The following SEMA5A variants were observed in gnomAD, a reference collection of about 807,000 sequenced individuals.
The protein encoded by SEMA5A is semaphorin 5A, also known as semaphorin-5A.
In SEMA5A, 55 loss-of-function variants were observed where a neutral mutation model predicts 135.5. That is an observed-to-expected ratio of 0.41 (90% CI 0.33 to 0.51). The LOEUF (loss-of-function observed/expected upper bound fraction) is 0.51, where lower values mean the gene tolerates loss of function less well. SEMA5A is among the 20% of genes least tolerant of loss of function. SEMA5A has a pLI of 0.37. For synonymous variants in SEMA5A, 580 were observed against 546.5 expected (o/e 1.06, Z -0.85); for missense variants, 1,290 against 1,419.9 (o/e 0.91, Z 1.47).
chr5:9,403,977 C>A (rs913170827), intron 2 of SEMA5A, among the ~76,000 whole-genome samples: 1 of 152,216 alleles, frequency 6.6e-6, no homozygotes, highest in Non-Finnish European at 1.5e-5. Flanking sequence ...CTCTGTTGCC[C>A]AGGCTGGAGT....
At chr5:9,106,677 C>T (rs537327837) in intron 16 of SEMA5A, among the ~76,000 whole-genome samples, 1 of 152,202 alleles carries the variant, frequency 6.6e-6, no homozygotes, top group Non-Finnish European at 1.5e-5. Context: ...CAAAGTTATC[C>T]CATTTGAATG....
In SEMA5A at chr5:9,233,631, A is replaced by G. The variant is rs145805457; in HGVS notation, c.333+4197T>C. Among the ~76,000 whole-genome samples the G allele has an allele frequency of 1.7e-4, 26 of 152,330 alleles. No homozygotes were observed. The East Asian group carries it at 5.0e-3, about 29-fold the overall frequency. ...AACCTGGCCCAAATAAAAAATCTGGATAACTTCTCTTGACCCTAATTCCCT... is the reference window on the plus strand; with the variant it reads ...AACCTGGCCCAAATAAAAAATCTGGGTAACTTCTCTTGACCCTAATTCCCT... On this transcript the variant is annotated intron_variant, in intron 6 of 22. Transcript: ENST00000382496.
intron 1 of SEMA5A, among the ~76,000 whole-genome samples, chr5:9,479,707 C>T (rs1405406240): frequency 1.3e-5 from 2 of 152,172 alleles, no homozygotes; most frequent in Non-Finnish European, 2.9e-5. Context: ...ACCAGGATTT[C>T]AGAACAAGGG....
chr5:9,105,608 G>A (rs1019508403), intron 16 of SEMA5A, among the ~76,000 whole-genome samples: 4 of 152,052 alleles, frequency 2.6e-5, no homozygotes, highest in South Asian at 2.1e-4. Context: ...GCACTCAAAC[G>A]TGAGACCTGC....
At position 9,405,332 on chromosome 5, in the gene SEMA5A, T is replaced by C. The variant is rs189509832; in HGVS notation, c.-77-25309A>G. 9.8e-4 allele frequency among the ~76,000 whole-genome samples: 149 copies of C among 152,322 alleles called. 1 individual carries two copies. The highest frequency in any genetic ancestry group is 3.4e-3 in the African/African-American group (142 of 41,576). ...AATTGTTCCTATCATCCAGTAGCCA[T>C]GAATTCTAACTTAGTCTAAACTTTC... On this transcript the variant is annotated intron_variant, in intron 2 of 22. Coordinates refer to ENST00000382496, the MANE Select transcript of SEMA5A (RefSeq NM_003966.3).
intron 5 of SEMA5A, among the ~76,000 whole-genome samples, chr5:9,314,391 G>T (rs1255345646): frequency 6.7e-6 from 1 of 149,632 alleles, no homozygotes; most frequent in Admixed American, 6.7e-5. Context: ...AAAAAAAAGT[G>T]CAACAGATCA....
intron 14 of SEMA5A, among the ~76,000 whole-genome samples, chr5:9,121,002 T>C (rs902276179): frequency 5.3e-5 from 8 of 152,114 alleles, no homozygotes; most frequent in African/African-American, 1.7e-4. Context: ...GGTTTTGAAC[T>C]CCCGACCTCA....
chr5:9,172,411 C>T (rs939059845), intron 11 of SEMA5A, among the ~76,000 whole-genome samples: 7 of 152,098 alleles, frequency 4.6e-5, no homozygotes, highest in East Asian at 1.9e-4. Flanking sequence ...AGTGTTCTTC[C>T]GCTAAGGACA....
intron 8 of SEMA5A, among the ~76,000 whole-genome samples, chr5:9,210,591 A>T (rs776014334): frequency 6.6e-6 from 1 of 152,128 alleles, no homozygotes; most frequent in Non-Finnish European, 1.5e-5. Flanking sequence ...TAACGCTGGT[A>T]TTTCCTAAAG....
At chr5:9,048,699 A>G (rs1041495070) in intron 21 of SEMA5A, among the ~76,000 whole-genome samples, 1 of 152,118 alleles carries the variant, frequency 6.6e-6, no homozygotes, top group Non-Finnish European at 1.5e-5. Context: ...AGAACTGTAG[A>G]CCCTTGGTGC....
At chr5:9,254,744 T>C (rs1438728281) in intron 5 of SEMA5A, among the ~76,000 whole-genome samples, 1 of 152,084 alleles carries the variant, frequency 6.6e-6, no homozygotes, top group Non-Finnish European at 1.5e-5. Context: ...TATAAACAAC[T>C]GCCCAAGGCC....
intron 1 of SEMA5A, among the ~76,000 whole-genome samples, chr5:9,464,878 G>A (rs961294211): frequency 6.6e-6 from 1 of 152,226 alleles, no homozygotes; most frequent in Admixed American, 6.5e-5. Context: ...GTCTCACAGC[G>A]GTCTGCAGCC....
At chr5:9,538,595 GAAGCATACTCT>G (rs1561333207) in intron 1 of SEMA5A, among the ~76,000 whole-genome samples, 3 of 152,244 alleles carry the variant, frequency 2.0e-5, no homozygotes, top group Non-Finnish European at 4.4e-5. Flanking sequence ...AATTGGCAGA[GAAGCATACTCT>G]AAGCAATGAC....
chr5:9,245,811 T>C (rs1484000735), intron 5 of SEMA5A, among the ~76,000 whole-genome samples: 1 of 152,192 alleles, frequency 6.6e-6, no homozygotes, highest in African/African-American at 2.4e-5. Context: ...CTGAGGGTTC[T>C]GAGTAACACA....
chr5:9,305,063 G>A (rs1279807265), intron 5 of SEMA5A, among the ~76,000 whole-genome samples: 1 of 152,064 alleles, frequency 6.6e-6, no homozygotes, highest in African/African-American at 2.4e-5. Context: ...CCCAAGGCCC[G>A]CCGCACAACA....
chr5:9,372,174 G>C (rs182165121), intron 3 of SEMA5A, among the ~76,000 whole-genome samples: 39 of 152,322 alleles, frequency 2.6e-4, no homozygotes, highest in African/African-American at 8.7e-4. Flanking sequence ...ACAGGGACTC[G>C]AGGAATCCTC....
chr5:9,138,278 T>C (rs1410251191), intron 12 of SEMA5A, among the ~76,000 whole-genome samples: 1 of 152,200 alleles, frequency 6.6e-6, no homozygotes, highest in African/African-American at 2.4e-5. Context: ...TAGTTTATAC[T>C]GTTTATACTA....
chr5:9,208,891 G>A (rs1746194176), intron 8 of SEMA5A, among the ~76,000 whole-genome samples: 1 of 152,100 alleles, frequency 6.6e-6, no homozygotes, highest in Non-Finnish European at 1.5e-5. Context: ...CAGCAATCAG[G>A]GCCTTGCATC....
chr5:9,153,393 C>G (rs1174812459), intron 12 of SEMA5A, among the ~76,000 whole-genome samples: 1 of 152,138 alleles, frequency 6.6e-6, no homozygotes, highest in South Asian at 2.1e-4. Flanking sequence ...TTTTTCATTT[C>G]CTAAGTACCT....
Sources: gnomAD v4.1 joint callset for allele counts (sites outside exome capture counted in the v4.1 genomes callset) on GRCh38, gnomAD v4.1.1 for gene constraint, MANE v1.5 for transcripts, NCBI Gene and HGNC (gene_info 2026-07-23, HGNC 2026-07-21) for gene names.